The following GLRX3 variants were observed in gnomAD, a reference collection of about 807,000 sequenced individuals.
GLRX3 encodes glutaredoxin-3.
A neutral mutation model predicts 49.5 loss-of-function variants in GLRX3; 22 were observed. The ratio of observed to expected loss-of-function variants is 0.44; its 90% CI spans 0.32 to 0.63. The LOEUF (loss-of-function observed/expected upper bound fraction) is 0.63. Among genes scored for constraint, GLRX3 ranks in the 30% least tolerant of loss-of-function variants. GLRX3 has a pLI of 0.05. For missense variants in GLRX3, 385 were observed against 396.3 expected (o/e 0.97, Z 0.24); for synonymous variants, 133 against 140.0 (o/e 0.95, Z 0.35).
At chr10:130,144,836 G>A (rs1041385080) in intron 1 of GLRX3, among the ~76,000 whole-genome samples, 1 of 152,192 alleles carries the variant, frequency 6.6e-6, no homozygotes, top group Non-Finnish European at 1.5e-5. Flanking sequence ...TAATGGGATT[G>A]CTGGGTCAAA....
At chr10:130,164,305 C>G (rs1862639571) in intron 4 of GLRX3, among the ~76,000 whole-genome samples, 1 of 152,226 alleles carries the variant, frequency 6.6e-6, no homozygotes, top group South Asian at 2.1e-4. Flanking sequence ...TCATCTTAAA[C>G]AGAATCTTAA....
rs1862761126 is a variant in GLRX3 at position 130,169,460 on chromosome 10, T to C, written c.741T>C (p.Ser247=). The change falls in exon 7 of 11, where the codon TCT becomes TCC. Residue 247 remains serine, a synonymous_variant. Coordinates refer to ENST00000331244, the MANE Select transcript of GLRX3 (RefSeq NM_006541.5). ...ERLKVLTNKA[S]VMLFMKGNKQ... ...TCAAAGTGCTGACAAATAAAGCTTC[T>C]GTGATGCTCTTTATGAAAGGAAACA... 3 of 1,611,664 alleles carry C rather than the reference T, an allele frequency of 1.9e-6. No homozygotes were observed. The highest frequency in any genetic ancestry group is 1.3e-5 in the African/African-American group (1 of 75,044).
chr10:130,138,944 C>G (rs544659800), intron 1 of GLRX3, among the ~76,000 whole-genome samples: 358 of 146,138 alleles, frequency 2.4e-3, no homozygotes, highest in South Asian at 3.2e-3. Context: ...TCACTGCAAC[C>G]TCTGCCTCAC....
chr10:130,174,167 TA>T (rs747384561), intron 8 of GLRX3, among the ~76,000 whole-genome samples: 2 of 152,254 alleles, frequency 1.3e-5, no homozygotes, highest in Non-Finnish European at 2.9e-5. Flanking sequence ...TTTTGTACAT[TA>T]AAAACAGCAC....
chr10:130,148,433 C>CTTTTTTTTTTTTTTTTTT (rs57482969), intron 2 of GLRX3, among the ~76,000 whole-genome samples: 1 of 70,584 alleles, frequency 1.4e-5, no homozygotes, highest in South Asian at 5.9e-4. Flanking sequence ...GCCCTTCAGT[C>CTTTTTTTTTTTTTTTTTT]TTTTTTTTTT....
rs1047134214 is a variant in GLRX3 at position 130,136,779 on chromosome 10, G to A, written c.92+267G>A. ...CCCAGCCCTGGCTCCGACCCCGACG[G>A]CTGTCCAAGCCCGGGGGACGCGACC... On this transcript the variant is annotated intron_variant, in intron 1 of 10. Transcript: ENST00000331244. Among the ~76,000 whole-genome samples, 3 of 152,132 alleles carry A rather than the reference G, an allele frequency of 2.0e-5. No homozygotes were observed. In the East Asian group the frequency reaches 5.8e-4, roughly 29 times the overall value.
At chr10:130,173,071 C>T (rs1862844689) in intron 8 of GLRX3, among the ~76,000 whole-genome samples, 1 of 152,216 alleles carries the variant, frequency 6.6e-6, no homozygotes, top group Non-Finnish European at 1.5e-5. Context: ...ACAGTGGGGG[C>T]TGGCTTGTTT....
At chr10:130,154,091 T>G (rs1862430969) in intron 2 of GLRX3, among the ~76,000 whole-genome samples, 1 of 152,242 alleles carries the variant, frequency 6.6e-6, no homozygotes, top group Non-Finnish European at 1.5e-5. Context: ...GATCTCAGAC[T>G]GCTGCGCTGG....
At chr10:130,174,625 T>G (rs1373118242) in intron 8 of GLRX3, among the ~76,000 whole-genome samples, 1 of 152,242 alleles carries the variant, frequency 6.6e-6, no homozygotes, top group African/African-American at 2.4e-5. Context: ...AGAAGAAGTT[T>G]GCCCACCCCT....
chr10:130,155,442 C>T (rs1358119185), intron 2 of GLRX3, among the ~76,000 whole-genome samples: 3 of 152,054 alleles, frequency 2.0e-5, no homozygotes. Flanking sequence ...GGCTCCTAGG[C>T]CAGGTGAGAG....
At chr10:130,169,708 C>T (rs1862767740) in intron 7 of GLRX3, among the ~76,000 whole-genome samples, 1 of 152,224 alleles carries the variant, frequency 6.6e-6, no homozygotes, top group Non-Finnish European at 1.5e-5. Context: ...TTTCTTTCTG[C>T]TGCCAAACTT....
intron 7 of GLRX3, among the ~76,000 whole-genome samples, chr10:130,171,121 AAAATAAATAAAT>A (rs371772527): frequency 2.0e-5 from 3 of 151,372 alleles, no homozygotes; most frequent in Non-Finnish European, 2.9e-5. Flanking sequence ...TCTGTCTCAA[AAAATAAATAAAT>A]AAATAAATAA....
intron 1 of GLRX3, among the ~76,000 whole-genome samples, chr10:130,138,875 G>A (rs1299905858): frequency 1.4e-5 from 2 of 142,710 alleles, no homozygotes; most frequent in Non-Finnish European, 3.0e-5. Flanking sequence ...TTTTGGGGGG[G>A]AGACAGAGTC....
intron 7 of GLRX3, 126 bp from the exon 8 acceptor site, chr10:130,171,458 G>C: frequency 1.5e-6 from 1 of 679,642 alleles, no homozygotes. Context: ...GAAGCTCTGG[G>C]AGCTGAGTGA....
At chr10:130,156,334 G>A (rs35020373) in intron 2 of GLRX3, among the ~76,000 whole-genome samples, 28,087 of 152,106 alleles carry the variant, frequency 0.18, 2,990 homozygotes, top group Middle Eastern at 0.28. Context: ...CATCCATGAG[G>A]GCATAGCCGT....
chr10:130,166,528 A>G lies in GLRX3; in HGVS notation c.500A>G (p.Glu167Gly), dbSNP rs1198888258. ...PRCGFSKQMVEILHKHNIQFS... is the reference protein window; with the variant it reads ...PRCGFSKQMVGILHKHNIQFS... ...ACAGGTTTCAGCAAGCAGATGGTGGAAATTCTTCACAAACATAATATTCAG... is the reference window on the plus strand; with the variant it reads ...ACAGGTTTCAGCAAGCAGATGGTGGGAATTCTTCACAAACATAATATTCAG... The change falls in exon 5 of 11, where the codon GAA becomes GGA. Residue 167 changes from glutamate (E) to glycine (G), a missense_variant. This residue lies in a region of GLRX3 where 374 missense variants were observed against 358.6 expected (regional missense o/e 1.04). Transcript: ENST00000331244. The G allele has an allele frequency of 1.2e-6, 2 of 1,613,392 alleles. No homozygotes were observed. Among genetic ancestry groups the G allele is most frequent in the Non-Finnish European group, 8.5e-7 (1 of 1,179,498 alleles).
chr10:130,142,960 G>A (rs187107338), intron 1 of GLRX3, among the ~76,000 whole-genome samples: 5 of 152,350 alleles, frequency 3.3e-5, no homozygotes, highest in African/African-American at 7.2e-5. Flanking sequence ...GCGGTGTGGT[G>A]CTGGCACTGT....
chr10:130,147,160 A>G (rs547334452), intron 2 of GLRX3, among the ~76,000 whole-genome samples: 2 of 152,364 alleles, frequency 1.3e-5, no homozygotes, highest in South Asian at 4.1e-4. Context: ...TGTAGAGTGT[A>G]ACCCTAAAAT....
intron 10 of GLRX3, among the ~76,000 whole-genome samples, chr10:130,179,040 G>A (rs1018883947): frequency 6.6e-6 from 1 of 152,114 alleles, no homozygotes; most frequent in African/African-American, 2.4e-5. Context: ...ATTTCACCAT[G>A]TTGGTCAGGC....
Sources: gnomAD v4.1 joint callset for allele counts (sites outside exome capture counted in the v4.1 genomes callset) on GRCh38, gnomAD v4.1.1 for gene constraint, gnomAD v4.1.1 regional missense constraint, MANE v1.5 for transcripts, NCBI Gene and HGNC (gene_info 2026-07-23, HGNC 2026-07-21) for gene names.